The following TEX29 variants were observed in gnomAD, a reference collection of about 807,000 sequenced individuals.
The protein encoded by TEX29 is testis-expressed protein 29.
In TEX29, 26 loss-of-function variants were observed where a neutral mutation model predicts 18.2. The ratio of observed to expected loss-of-function variants is 1.43; its 90% confidence interval spans 1.04 to 1.98. TEX29 has a LOEUF of 1.98. Ranked by LOEUF, TEX29 falls within the 30% of genes most tolerant of loss-of-function variation. The pLI, the probability that TEX29 is intolerant of heterozygous loss-of-function variation, is 0.00. For missense variants in TEX29, 177 were observed against 194.2 expected (o/e 0.91, Z 0.53); for synonymous variants, 83 against 78.5 (o/e 1.06, Z -0.31).
intron 2 of TEX29, among the ~76,000 whole-genome samples, chr13:111,323,276 C>T (rs1308486278): frequency 1.3e-5 from 2 of 152,206 alleles, no homozygotes; most frequent in African/African-American, 4.8e-5. Context: ...TTCACATGGC[C>T]CTGGATGGCG....
intron 2 of TEX29, among the ~76,000 whole-genome samples, chr13:111,323,518 G>A (rs2093668090): frequency 6.6e-6 from 1 of 152,250 alleles, no homozygotes; most frequent in Admixed American, 6.5e-5. Context: ...TTCCACACCG[G>A]TGTGAGTTCT....
At chr13:111,320,218 C>T (rs573182113), upstream of TEX29, among the ~76,000 whole-genome samples, 18 of 152,330 alleles carry the variant, frequency 1.2e-4, no homozygotes, top group African/African-American at 3.4e-4. Flanking sequence ...CTTCTCCCCA[C>T]GGCCCGGGCC....
intron 2 of TEX29, among the ~76,000 whole-genome samples, chr13:111,323,032 T>A (rs2093667242): frequency 6.6e-6 from 1 of 152,224 alleles, no homozygotes; most frequent in Non-Finnish European, 1.5e-5. Context: ...TCTGCGCAAC[T>A]TTGCAGATGT....
At chr13:111,339,995 G>T in intron 4 of TEX29, 63 bp downstream of exon 4, 1 of 1,509,948 alleles carries the variant, frequency 6.6e-7, no homozygotes, top group Non-Finnish European at 9.2e-7. Context: ...CCTGGCCGCA[G>T]CTTCCTGCCT....
At chr13:111,336,652 G>T (rs1386663453) in intron 3 of TEX29, among the ~76,000 whole-genome samples, 1 of 152,182 alleles carries the variant, frequency 6.6e-6, no homozygotes, top group East Asian at 1.9e-4. Flanking sequence ...TTGCTGAGAT[G>T]ATTTCAAAAC....
chr13:111,334,783 A>G (rs1027016091), intron 3 of TEX29, among the ~76,000 whole-genome samples: 5 of 152,264 alleles, frequency 3.3e-5, no homozygotes, highest in African/African-American at 1.2e-4. Context: ...AGCTCAGATC[A>G]AATAAAGCTG....
intron 5 of TEX29, among the ~76,000 whole-genome samples, chr13:111,343,200 G>A (rs376958976): frequency 1.6e-4 from 25 of 152,276 alleles, no homozygotes; most frequent in African/African-American, 5.3e-4. Flanking sequence ...ACCCTCTGGC[G>A]GGGCCCTCAT....
chr13:111,332,694 A>G (rs2093684396), intron 3 of TEX29, among the ~76,000 whole-genome samples: 1 of 152,206 alleles, frequency 6.6e-6, no homozygotes. Context: ...TTAATAGTAA[A>G]TGCAAGATAC....
At chr13:111,322,022 A>C (rs1451841591) in intron 2 of TEX29, among the ~76,000 whole-genome samples, 1 of 152,272 alleles carries the variant, frequency 6.6e-6, no homozygotes, top group Non-Finnish European at 1.5e-5. Flanking sequence ...AGCACCTCTC[A>C]GGCTGGCCAA....
chr13:111,344,026 T>G (rs574861359), intron 5 of TEX29, 57 bp from the exon 6 acceptor site: 1 of 1,435,298 alleles, frequency 7.0e-7, no homozygotes, highest in Non-Finnish European at 9.8e-7. Context: ...ATGAAATCTT[T>G]TCGGGACTGC....
upstream of TEX29, among the ~76,000 whole-genome samples, chr13:111,320,510 C>T (rs567922928): frequency 1.9e-3 from 289 of 152,328 alleles, 4 homozygotes; most frequent in Admixed American, 2.1e-3. Context: ...TGGCCTTCGT[C>T]CTCAATGCAG....
At chr13:111,320,988 G>GGGGGGGGGGGGGGC in intron 2 of TEX29, 40 bp downstream of exon 2, 1 of 431,434 alleles carries the variant, frequency 2.3e-6, no homozygotes, top group Non-Finnish European at 4.3e-6. Context: ...TGGGGTGGGG[G>GGGGGGGGGGGGGGC]AGCAGTTGGG....
At chr13:111,317,843 G>A (rs188024381), upstream of TEX29, among the ~76,000 whole-genome samples, 179 of 152,236 alleles carry the variant, frequency 1.2e-3, no homozygotes, top group Middle Eastern at 3.4e-3. Context: ...CTTCACCTCT[G>A]TTGCTGCACA....
At position 111,325,042 on chromosome 13, in the gene TEX29, T is replaced by C. The variant is rs75098457; in HGVS notation, c.59-3141T>C. On this transcript the variant is annotated intron_variant, in intron 2 of 5. Coordinates refer to ENST00000283547, the MANE Select transcript of TEX29 (RefSeq NM_152324.3). ...CAGACGGGGTGACGGGACAGATTCA[T>C]GGGATGAGCTTTGAAACCTCACTCC... is the stretch of plus-strand genomic sequence containing the variant. Among the ~76,000 whole-genome samples, 865 of 152,258 alleles carry C rather than the reference T, an allele frequency of 5.7e-3. 3 individuals carry two copies. The highest frequency in any genetic ancestry group is 0.01 in the Non-Finnish European group (701 of 68,006).
At chr13:111,318,716 A>G (rs2391931), upstream of TEX29, among the ~76,000 whole-genome samples, 24,071 of 152,180 alleles carry the variant, frequency 0.16, 2,193 homozygotes, top group African/African-American at 0.25. Flanking sequence ...CCCAGGAGAG[A>G]GAAGCAGTGT....
upstream of TEX29, among the ~76,000 whole-genome samples, chr13:111,317,484 C>T (rs1047063670): frequency 6.6e-6 from 1 of 152,220 alleles, no homozygotes; most frequent in Non-Finnish European, 1.5e-5. Context: ...GGCCCACCTC[C>T]AGTCTACAGT....
Position 111,325,443 on chromosome 13 carries a change from G to A in TEX29, c.59-2740G>A, listed in dbSNP as rs577320867. 6.6e-5 allele frequency among the ~76,000 whole-genome samples: 10 copies of A among 152,316 alleles called. No homozygotes were observed. The South Asian group carries it at 1.9e-3, about 28-fold the overall frequency. ...GGGCGAGCTGCCAGTGATGTTTCTA[G>A]AGGGAGCAGGGAGCTGCATCAGCCC... On this transcript the variant is annotated intron_variant, in intron 2 of 5. Transcript: ENST00000283547.
chr13:111,335,252 G>A (rs1012302017), intron 3 of TEX29, among the ~76,000 whole-genome samples: 1 of 152,204 alleles, frequency 6.6e-6, no homozygotes, highest in African/African-American at 2.4e-5. Context: ...GTTACAAGAT[G>A]TAGTGCTTTT....
chr13:111,320,995 T>TGTGG, intron 2 of TEX29, 47 bp downstream of exon 2: 4 of 320,862 alleles, frequency 1.2e-5, no homozygotes, highest in East Asian at 1.5e-4. Context: ...GGGGAGCAGT[T>TGTGG]GGGGGGGGGC....
Sources: gnomAD v4.1 joint callset for allele counts (sites outside exome capture counted in the v4.1 genomes callset) on GRCh38, gnomAD v4.1.1 for gene constraint, MANE v1.5 for transcripts, NCBI Gene and HGNC (gene_info 2026-07-23, HGNC 2026-07-21) for gene names.